GABRB2: variants seen among roughly 807,000 people sequenced by gnomAD.
GABRB2 encodes gamma-aminobutyric acid type A receptor subunit beta2.
GABRB2 carries 16 observed loss-of-function variants against 54.7 expected under a neutral mutation model. That is an observed-to-expected ratio of 0.29 (90% CI 0.20 to 0.44). The LOEUF (loss-of-function observed/expected upper bound fraction) is 0.44. GABRB2 is among the 20% of genes least tolerant of loss of function. The probability of loss-of-function intolerance (pLI) is 1.00; values close to 1 mark genes in which losing one functional copy is unlikely to be tolerated. For missense variants in GABRB2, 355 were observed against 644.0 expected (o/e 0.55, Z 4.86); for synonymous variants, 244 against 233.8 (o/e 1.04, Z -0.40).
At chr5:161,323,850 A>G (rs1291363598) in intron 9 of GABRB2, among the ~76,000 whole-genome samples, 1 of 152,210 alleles carries the variant, frequency 6.6e-6, no homozygotes, top group Non-Finnish European at 1.5e-5. Flanking sequence ...GCTATTAGGT[A>G]TGTAAACTAT....
intron 5 of GABRB2, among the ~76,000 whole-genome samples, chr5:161,374,659 A>T (rs1226092637): frequency 2.0e-5 from 3 of 152,016 alleles, no homozygotes. Context: ...TCAATACCTA[A>T]CTTCCTTCTG....
intron 9 of GABRB2, among the ~76,000 whole-genome samples, chr5:161,298,040 T>C (rs1231021487): frequency 6.6e-6 from 1 of 152,234 alleles, no homozygotes; most frequent in Non-Finnish European, 1.5e-5. Flanking sequence ...CCAGTGATGA[T>C]GAGCTTTTTT....
chr5:161,466,094 T>C (rs11746954), intron 3 of GABRB2, among the ~76,000 whole-genome samples: 3,409 of 152,162 alleles, frequency 0.022, 60 homozygotes, highest in Non-Finnish European at 0.034. Context: ...TTTTTTGTTG[T>C]TGTTGAATGT....
At chr5:161,413,220 T>C (rs1756571696) in intron 4 of GABRB2, among the ~76,000 whole-genome samples, 1 of 152,212 alleles carries the variant, frequency 6.6e-6, no homozygotes, top group Non-Finnish European at 1.5e-5. Context: ...TTTTGCTCAT[T>C]GTAAGTCTTT....
intron 3 of GABRB2, among the ~76,000 whole-genome samples, chr5:161,520,995 C>T (rs1760096217): frequency 6.6e-6 from 1 of 151,928 alleles, no homozygotes; most frequent in South Asian, 2.1e-4. Flanking sequence ...AGGTCTATGT[C>T]TTGTTGCCTG....
intron 3 of GABRB2, among the ~76,000 whole-genome samples, chr5:161,515,312 T>G (rs976807486): frequency 6.6e-6 from 1 of 152,164 alleles, no homozygotes; most frequent in African/African-American, 2.4e-5. Flanking sequence ...AGGAACTGTT[T>G]TGTTTTCAGC....
chr5:161,494,538 CGT>C (rs35292247), intron 3 of GABRB2, among the ~76,000 whole-genome samples: 71,920 of 145,630 alleles, frequency 0.49, 18,584 homozygotes, highest in Middle Eastern at 0.6. Flanking sequence ...GTTAGGTATG[CGT>C]GTGTGTGTGT....
chr5:161,419,118 C>T (rs1177136149), intron 4 of GABRB2, among the ~76,000 whole-genome samples: 1 of 152,044 alleles, frequency 6.6e-6, no homozygotes, highest in Non-Finnish European at 1.5e-5. Context: ...CAGAGCGAGA[C>T]CCTGTGTCAA....
At chr5:161,455,742 AGGCTGGTCC>A (rs1431410117) in intron 4 of GABRB2, among the ~76,000 whole-genome samples, 2 of 151,964 alleles carry the variant, frequency 1.3e-5, no homozygotes, top group East Asian at 3.9e-4. Flanking sequence ...TATTTTGCCC[AGGCTGGTCC>A]TGAACTCCTG....
intron 8 of GABRB2, among the ~76,000 whole-genome samples, chr5:161,327,439 G>A (rs1260684075): frequency 6.6e-6 from 1 of 151,774 alleles, no homozygotes; most frequent in Non-Finnish European, 1.5e-5. Flanking sequence ...ACTGGAGAAG[G>A]ATAGAAAAAT....
intron 5 of GABRB2, among the ~76,000 whole-genome samples, chr5:161,391,874 T>C (rs1325892174): frequency 1.3e-5 from 2 of 152,156 alleles, no homozygotes; most frequent in African/African-American, 4.8e-5. Context: ...AAGAAGGGAC[T>C]GACTCTAAGA....
intron 5 of GABRB2, among the ~76,000 whole-genome samples, chr5:161,360,863 A>G (rs1243503460): frequency 6.6e-6 from 1 of 151,952 alleles, no homozygotes; most frequent in Admixed American, 6.6e-5. Flanking sequence ...ACAATACAAA[A>G]CACTATGGGA....
At chr5:161,321,856 C>T (rs965390324) in intron 9 of GABRB2, among the ~76,000 whole-genome samples, 2 of 152,072 alleles carry the variant, frequency 1.3e-5, no homozygotes, top group African/African-American at 4.8e-5. Flanking sequence ...GAACCCATTA[C>T]ATCCTTTTAA....
intron 3 of GABRB2, among the ~76,000 whole-genome samples, chr5:161,481,423 C>G (rs976676906): frequency 6.6e-6 from 1 of 151,976 alleles, no homozygotes; most frequent in Non-Finnish European, 1.5e-5. Context: ...GACAGAGGTA[C>G]CGGGACCGTA....
At chr5:161,436,106 G>A (rs1757298762) in intron 4 of GABRB2, among the ~76,000 whole-genome samples, 1 of 152,206 alleles carries the variant, frequency 6.6e-6, no homozygotes, top group Non-Finnish European at 1.5e-5. Context: ...TGTGACTTTA[G>A]GAACATTGCT....
intron 4 of GABRB2, among the ~76,000 whole-genome samples, chr5:161,437,779 G>C (rs1757353409): frequency 1.3e-5 from 2 of 152,194 alleles, no homozygotes; most frequent in African/African-American, 2.4e-5. Flanking sequence ...TCATAGCCTG[G>C]GGTGGTGTGG....
chr5:161,430,765 T>G (rs1234216559), intron 4 of GABRB2, among the ~76,000 whole-genome samples: 1 of 152,266 alleles, frequency 6.6e-6, no homozygotes, highest in Non-Finnish European at 1.5e-5. Flanking sequence ...GGAAGTGTAA[T>G]TTAAAGCTCA....
intron 3 of GABRB2, among the ~76,000 whole-genome samples, chr5:161,498,714 G>A (rs1759332195): frequency 6.6e-6 from 1 of 152,052 alleles, no homozygotes; most frequent in African/African-American, 2.4e-5. Context: ...GTGCCAAAGG[G>A]TGGAAGTCTG....
At chr5:161,546,192 A>G in intron 2 of GABRB2, 130 bp downstream of exon 2, 1 of 704,198 alleles carries the variant, frequency 1.4e-6, no homozygotes. Flanking sequence ...CAGTTTCTCA[A>G]TATGGTAAAA....
Sources: gnomAD v4.1 joint callset for allele counts (sites outside exome capture counted in the v4.1 genomes callset) on GRCh38, gnomAD v4.1.1 for gene constraint, MANE v1.5 for transcripts, NCBI Gene and HGNC (gene_info 2026-07-23, HGNC 2026-07-21) for gene names.